PROCR: variants seen among roughly 807,000 people sequenced by gnomAD.
The protein encoded by PROCR is protein C receptor.
PROCR carries 22 observed loss-of-function variants against 24.2 expected under a neutral mutation model. The observed-to-expected ratio is 0.91, with a 90% CI of 0.65 to 1.30. PROCR has a LOEUF of 1.30. PROCR is among the 50% of genes most tolerant of loss of function. PROCR has a pLI of 0.00. For synonymous variants in PROCR, 137 were observed against 139.2 expected (o/e 0.98, Z 0.11); for missense variants, 288 against 307.7 (o/e 0.94, Z 0.48).
intron 1 of PROCR, among the ~76,000 whole-genome samples, chr20:35,197,071 G>A (rs909193933): frequency 1.3e-5 from 2 of 152,166 alleles, no homozygotes; most frequent in African/African-American, 4.8e-5. Flanking sequence ...AACAGTATAT[G>A]TTCACTTCCT....
Position 35,176,967 on chromosome 20 carries a change from G to C in PROCR, c.*154G>C. 3 of 1,501,840 alleles carry C rather than the reference G, an allele frequency of 2.0e-6. No individual in the cohort carries two copies. Among genetic ancestry groups the C allele is most frequent in the Non-Finnish European group, 2.7e-6 (3 of 1,124,258 alleles). 93.0% of individuals were successfully genotyped at this position (1,501,840 alleles called of 1,614,324 possible). ...CCACATCTGCCCACTGAAGATTTGA[G>C]GGAGGGGAGATGGAGAGGAGAGGTG... On this transcript the variant is annotated 3_prime_UTR_variant, in exon 4 of 4. Transcript: ENST00000216968.
intron 1 of PROCR, among the ~76,000 whole-genome samples, chr20:35,188,069 C>T (rs779757231): frequency 1.8e-4 from 28 of 152,218 alleles, no homozygotes; most frequent in Admixed American, 1.3e-4. Context: ...GCTTGGCTTA[C>T]TGGATTCCCC....
Position 35,174,861 on chromosome 20 carries a change from A to G in PROCR, c.230A>G (p.Glu77Gly), listed in dbSNP as rs141487483. ...IIQLQPLQEP[E>G]SWARTQSGLQ... ...CAGCTGCAGCCCTTGCAGGAGCCCG[A>G]GAGCTGGGCGCGCACGCAGAGTGGC... is the stretch of plus-strand genomic sequence containing the variant. Residue 77 changes from glutamate to glycine, a missense_variant, in exon 2 of 4, where the codon GAG becomes GGG. Coordinates refer to ENST00000216968, the MANE Select transcript of PROCR (RefSeq NM_006404.5). 5.5e-5 allele frequency: 88 copies of G among 1,613,660 alleles called. No homozygotes were observed. In the African/African-American group the frequency reaches 1.1e-3, roughly 19 times the overall value.
At chr20:35,186,952 CA>C (rs926659678) in intron 1 of PROCR, among the ~76,000 whole-genome samples, 144 of 129,350 alleles carry the variant, frequency 1.1e-3, no homozygotes, top group Non-Finnish European at 1.0e-3. Context: ...GACTCTGTCT[CA>C]AAAAAAAAAA....
At chr20:35,177,383 C>T, downstream of PROCR, 1 of 981,276 alleles carries the variant, frequency 1.0e-6, no homozygotes, top group Non-Finnish European at 1.2e-6. Flanking sequence ...CTCCACTTTG[C>T]AAAATTTCTG....
intron 1 of PROCR, among the ~76,000 whole-genome samples, chr20:35,212,203 A>G (rs1207691168): frequency 6.6e-6 from 1 of 152,156 alleles, no homozygotes; most frequent in Non-Finnish European, 1.5e-5. Flanking sequence ...GGCGTGTAGT[A>G]CATCATAGAG....
intron 1 of PROCR, among the ~76,000 whole-genome samples, chr20:35,205,829 C>CTACATA (rs2060339269): frequency 8.5e-6 from 1 of 117,154 alleles, no homozygotes; most frequent in African/African-American, 3.8e-5. Flanking sequence ...ATACATATAT[C>CTACATA]TACATATACA....
chr20:35,176,270 G>A lies in PROCR; in HGVS notation c.425G>A (p.Ser142Asn). The A allele has an allele frequency of 1.2e-6, 2 of 1,614,218 alleles. No individual in the cohort carries two copies. The highest frequency in any genetic ancestry group is 1.1e-5 in the South Asian group (1 of 91,088). ...EVAVNGSSFV[S>N]FRPERALWQA... is the part of the protein sequence containing the mutation. The stretch of plus-strand genomic sequence containing the variant: ...GCTGTGAATGGGAGCTCCTTTGTGA[G>A]TTTCCGGCCGGAGAGAGCCTTGTGG... Residue 142 changes from serine to asparagine, a missense_variant, in exon 3 of 4, where the codon AGT becomes AAT. Physicochemically the swap from Ser to Asn is conservative, Grantham distance 46 (BLOSUM62 1). Transcript: ENST00000216968.
At chr20:35,198,173 T>C (rs1281317021) in intron 1 of PROCR, among the ~76,000 whole-genome samples, 1 of 151,490 alleles carries the variant, frequency 6.6e-6, no homozygotes, top group Non-Finnish European at 1.5e-5. Context: ...GTGCCTGTAG[T>C]TCCAGCTACT....
At chr20:35,180,076 T>C (rs533542178), downstream of PROCR, among the ~76,000 whole-genome samples, 9 of 152,076 alleles carry the variant, frequency 5.9e-5, no homozygotes, top group Admixed American at 5.9e-4. Flanking sequence ...CGAAACCCTG[T>C]CTCTACTAAA....
intron 1 of PROCR, among the ~76,000 whole-genome samples, chr20:35,210,992 C>T (rs1369302415): frequency 3.3e-5 from 5 of 152,140 alleles, no homozygotes; most frequent in African/African-American, 7.2e-5. Context: ...GGATTACAGG[C>T]GTGAGCCACC....
At position 35,177,075 on chromosome 20, in the gene PROCR, T is replaced by TGTGGAAAACAGATAATG. The variant is rs1407021711; in HGVS notation, c.*264_*280dup. ...TGATAAGTGAATGTTTATCTATCTT[T>TGTGGAAAACAGATAATG]GTGGAAAACAGATAATGGAGTTGGG... On this transcript the variant is annotated 3_prime_UTR_variant, in exon 4 of 4. Transcript: ENST00000216968. The TGTGGAAAACAGATAATG allele has an allele frequency of 3.2e-6, 4 of 1,262,204 alleles. No homozygotes were observed. Among genetic ancestry groups the TGTGGAAAACAGATAATG allele is most frequent in the African/African-American group, 3.1e-5 (2 of 65,132 alleles). The allele number at this position is 1,262,204 out of a possible 1,614,324, so 78.2% of individuals were successfully genotyped here.
intron 1 of PROCR, among the ~76,000 whole-genome samples, chr20:35,182,426 T>C (rs548034519): frequency 1.4e-4 from 22 of 152,148 alleles, no homozygotes; most frequent in Non-Finnish European, 2.6e-4. Flanking sequence ...AAAAATAAAA[T>C]AGAAAAGCAA....
intron 1 of PROCR, among the ~76,000 whole-genome samples, chr20:35,211,157 G>A (rs754662334): frequency 1.5e-4 from 23 of 152,098 alleles, no homozygotes; most frequent in Middle Eastern, 3.2e-3. Flanking sequence ...CATGAGTACC[G>A]CTTACCAAGC....
intron 1 of PROCR, among the ~76,000 whole-genome samples, chr20:35,185,931 G>A (rs1047081013): frequency 6.6e-5 from 10 of 152,178 alleles, no homozygotes; most frequent in African/African-American, 1.9e-4. Flanking sequence ...AACAAGTGTT[G>A]GCAAGAATGT....
At chr20:35,211,930 T>C (rs1443480746) in intron 1 of PROCR, among the ~76,000 whole-genome samples, 1 of 151,960 alleles carries the variant, frequency 6.6e-6, no homozygotes, top group Non-Finnish European at 1.5e-5. Flanking sequence ...AGCAGGAGAA[T>C]TGCTTGAACC....
chr20:35,187,740 T>A (rs1253431228), intron 1 of PROCR, among the ~76,000 whole-genome samples: 1 of 152,230 alleles, frequency 6.6e-6, no homozygotes, highest in Non-Finnish European at 1.5e-5. Context: ...GAATACATGT[T>A]CATAGCTACA....
chr20:35,189,511 T>G (rs546290484), intron 1 of PROCR, among the ~76,000 whole-genome samples: 9 of 152,304 alleles, frequency 5.9e-5, no homozygotes, highest in African/African-American at 2.2e-4. Context: ...GACCTTGTGA[T>G]CTCGCCCTGA....
At chr20:35,196,523 G>C (rs1286350419) in intron 1 of PROCR, among the ~76,000 whole-genome samples, 1 of 152,094 alleles carries the variant, frequency 6.6e-6, no homozygotes, top group Non-Finnish European at 1.5e-5. Context: ...TCTTATGACT[G>C]TAGATTTTTC....
Sources: gnomAD v4.1 joint callset for allele counts (sites outside exome capture counted in the v4.1 genomes callset) on GRCh38, gnomAD v4.1.1 for gene constraint, MANE v1.5 for transcripts, NCBI Gene and HGNC (gene_info 2026-07-23, HGNC 2026-07-21) for gene names.